The following NRXN3 variants were observed in gnomAD, a reference collection of about 807,000 sequenced individuals.
NRXN3 encodes neurexin 3, also known as neurexin III.
In NRXN3, 32 loss-of-function variants were observed where a neutral mutation model predicts 137.6. The observed-to-expected ratio is 0.23, with a 90% CI of 0.18 to 0.31. The LOEUF (loss-of-function observed/expected upper bound fraction) is 0.31. NRXN3 is among the 10% of genes least tolerant of loss of function. NRXN3 has a pLI of 1.00. For synonymous variants in NRXN3, 798 were observed against 784.5 expected, an observed-to-expected ratio of 1.02 and a Z score of -0.29; for missense variants, 1,574 against 2,062.5, an observed-to-expected ratio of 0.76 and a Z score of 4.59.
chr14:79,021,122 T>C (rs891973575), intron 15 of NRXN3, among the ~76,000 whole-genome samples: 1 of 152,002 alleles, frequency 6.6e-6, no homozygotes, highest in Admixed American at 6.5e-5. Flanking sequence ...CCAGGGACTA[T>C]GTTGGACACT....
chr14:78,411,799 G>A (rs949046890), intron 4 of NRXN3, among the ~76,000 whole-genome samples: 21 of 152,144 alleles, frequency 1.4e-4, no homozygotes, highest in African/African-American at 3.9e-4. Context: ...TTTTTTCCAA[G>A]GGTTGACCCT....
chr14:78,666,244 T>C (rs2097885648), intron 6 of NRXN3, among the ~76,000 whole-genome samples: 1 of 152,226 alleles, frequency 6.6e-6, no homozygotes, highest in African/African-American at 2.4e-5. Context: ...ATTTGCCTAT[T>C]TGTTTCTTCT....
chr14:78,903,727 C>G (rs948413355), intron 10 of NRXN3, among the ~76,000 whole-genome samples: 4 of 151,954 alleles, frequency 2.6e-5, no homozygotes, highest in African/African-American at 9.7e-5. Flanking sequence ...ACTTATATGA[C>G]TTTTTGGACC....
intron 15 of NRXN3, among the ~76,000 whole-genome samples, chr14:79,114,791 G>C (rs1273188222): frequency 1.3e-5 from 2 of 152,090 alleles, no homozygotes; most frequent in African/African-American, 4.8e-5. Flanking sequence ...GTCTCCCAAA[G>C]TGCTGAGATT....
At chr14:78,375,089 C>A (rs574495708) in intron 4 of NRXN3, among the ~76,000 whole-genome samples, 43 of 152,322 alleles carry the variant, frequency 2.8e-4, no homozygotes, top group African/African-American at 9.9e-4. Context: ...TCAGTTAGTT[C>A]ATACTTCATG....
At chr14:79,244,450 T>C (rs991640343) in intron 15 of NRXN3, among the ~76,000 whole-genome samples, 4 of 152,200 alleles carry the variant, frequency 2.6e-5, no homozygotes, top group African/African-American at 9.6e-5. Context: ...TTCAGCCTCA[T>C]AACGCGTGAA....
At chr14:78,828,159 T>G (rs935736515) in intron 10 of NRXN3, among the ~76,000 whole-genome samples, 1 of 152,192 alleles carries the variant, frequency 6.6e-6, no homozygotes, top group African/African-American at 2.4e-5. Context: ...AGTTTATAGT[T>G]CAATATTATC....
At chr14:79,009,812 C>T (rs531861515) in intron 15 of NRXN3, among the ~76,000 whole-genome samples, 27 of 152,312 alleles carry the variant, frequency 1.8e-4, no homozygotes, top group African/African-American at 6.0e-4. Flanking sequence ...AACCATCTCT[C>T]TCGGTTACAA....
chr14:79,698,082 G>A, intron 19 of NRXN3, 145 bp downstream of exon 19: 1 of 734,360 alleles, frequency 1.4e-6, no homozygotes, highest in Non-Finnish European at 2.2e-6. Flanking sequence ...AGACCCAGGA[G>A]AAGAGAAAGG....
At chr14:79,315,484 A>G (rs931116656) in intron 15 of NRXN3, among the ~76,000 whole-genome samples, 3 of 152,220 alleles carry the variant, frequency 2.0e-5, no homozygotes, top group Non-Finnish European at 4.4e-5. Context: ...TTTGGTGGCA[A>G]AGAAAGGGAA....
intron 17 of NRXN3, among the ~76,000 whole-genome samples, chr14:79,669,809 C>T (rs1334519486): frequency 6.6e-6 from 1 of 151,948 alleles, no homozygotes; most frequent in Non-Finnish European, 1.5e-5. Context: ...AATCAGATCC[C>T]CCAGTGCTAT....
chr14:79,489,331 AG>A (rs2096689045), intron 16 of NRXN3, among the ~76,000 whole-genome samples: 1 of 152,102 alleles, frequency 6.6e-6, no homozygotes, highest in Non-Finnish European at 1.5e-5. Flanking sequence ...AACCACATAG[AG>A]GAGGTGATTC....
At chr14:78,661,542 G>T (rs114020758) in intron 6 of NRXN3, among the ~76,000 whole-genome samples, 2 of 152,214 alleles carry the variant, frequency 1.3e-5, no homozygotes, top group African/African-American at 2.4e-5. Flanking sequence ...AACATGGCTT[G>T]TTAACTTTGT....
intron 19 of NRXN3, among the ~76,000 whole-genome samples, chr14:79,755,049 T>C (rs1251778791): frequency 6.6e-6 from 1 of 152,182 alleles, no homozygotes; most frequent in Non-Finnish European, 1.5e-5. Flanking sequence ...CAGGTATATC[T>C]TTATAGAAGT....
chr14:78,758,479 T>C (rs1168582981), intron 8 of NRXN3, among the ~76,000 whole-genome samples: 2 of 152,098 alleles, frequency 1.3e-5, no homozygotes, highest in African/African-American at 4.8e-5. Flanking sequence ...AAAGCTTTCC[T>C]ATGAAAAAAA....
At chr14:78,451,658 G>A (rs996029495) in intron 4 of NRXN3, among the ~76,000 whole-genome samples, 9 of 152,192 alleles carry the variant, frequency 5.9e-5, no homozygotes, top group African/African-American at 2.2e-4. Context: ...TCTCACTGCA[G>A]CAGATGGGAC....
chr14:78,252,411 C>T (rs901584447), intron 2 of NRXN3, among the ~76,000 whole-genome samples: 1 of 152,176 alleles, frequency 6.6e-6, no homozygotes, highest in African/African-American at 2.4e-5. Context: ...GCTCCTGGCT[C>T]AAGTTTTCTG....
chr14:79,130,233 CGTTATTTTGTTCATTAGTTGATGCA>C (rs2057250676), intron 15 of NRXN3, among the ~76,000 whole-genome samples: 1 of 150,762 alleles, frequency 6.6e-6, no homozygotes, highest in African/African-American at 2.4e-5. Flanking sequence ...GATGTTAGCT[CGTTATTTTGTTCATTAGTTGATGCA>C]GTTTCTTCCT....
At chr14:79,390,538 A>G (rs1290255805) in intron 15 of NRXN3, among the ~76,000 whole-genome samples, 2 of 152,138 alleles carry the variant, frequency 1.3e-5, no homozygotes, top group African/African-American at 2.4e-5. Context: ...AATCTCACTC[A>G]AGACTGGGAG....
Sources: allele counts gnomAD v4.1 joint callset (sites outside exome capture counted in the v4.1 genomes callset), GRCh38; gene constraint gnomAD v4.1.1; transcripts MANE v1.5; gene names NCBI Gene and HGNC (gene_info 2026-07-23, HGNC 2026-07-21).